The following GALNT13 variants were observed in gnomAD, a reference collection of about 807,000 sequenced individuals.
GALNT13 encodes the protein UDP-GalNAc:polypeptide N-acetylgalactosaminyltransferase 13.
Under a neutral mutation model 64.2 loss-of-function variants are expected in GALNT13, and 28 were observed. The ratio of observed to expected loss-of-function variants is 0.44; its 90% CI spans 0.32 to 0.60. The LOEUF (loss-of-function observed/expected upper bound fraction) is 0.60. Among genes scored for constraint, GALNT13 ranks in the 20% least tolerant of loss-of-function variants. GALNT13 has a pLI of 0.05. For missense variants in GALNT13, 577 were observed against 669.8 expected (o/e 0.86, Z 1.53); for synonymous variants, 214 against 224.6 (o/e 0.95, Z 0.42).
intron 3 of GALNT13, among the ~76,000 whole-genome samples, chr2:153,954,960 G>C (rs1692457472): frequency 6.6e-6 from 1 of 151,680 alleles, no homozygotes; most frequent in African/African-American, 2.4e-5. Context: ...TATTTCTGGA[G>C]GATGTAGAAA....
chr2:153,737,568 A>C, the GALNT13 span, among the ~76,000 whole-genome samples: 55 of 152,014 alleles, frequency 3.6e-4, no homozygotes, highest in African/African-American at 1.2e-3. Context: ...ATGTTTATCT[A>C]CCCTATTTTT....
At chr2:154,383,348 ACTG>A (rs1229980238) in intron 9 of GALNT13, among the ~76,000 whole-genome samples, 2 of 151,938 alleles carry the variant, frequency 1.3e-5, no homozygotes, top group African/African-American at 4.8e-5. Flanking sequence ...TATTATTAGC[ACTG>A]CTGTATAAAT....
At chr2:153,607,796 G>A in the GALNT13 span, among the ~76,000 whole-genome samples, 1 of 151,928 alleles carries the variant, frequency 6.6e-6, no homozygotes, top group Admixed American at 6.6e-5. Flanking sequence ...ACCCTTAAGA[G>A]AGTCTTCCAG....
intron 12 of GALNT13, among the ~76,000 whole-genome samples, chr2:154,445,250 A>C (rs574448768): frequency 6.6e-6 from 1 of 152,020 alleles, no homozygotes; most frequent in African/African-American, 2.4e-5. Flanking sequence ...CATATGTTAC[A>C]GTCATTTTTT....
rs75918825 is a variant in GALNT13, at chr2:154,093,975, A to G, written c.143-46362A>G. ...TGTCATACAGGTAAGATCTTTTGGT[A>G]TGATGGTTTTGGTGCATATTTCCTA... On this transcript the variant is annotated intron_variant, in intron 3 of 12. Transcript: ENST00000392825. Among the ~76,000 whole-genome samples the G allele has an allele frequency of 6.1e-3, 932 of 151,882 alleles. 13 individuals are homozygous for G. The highest frequency in any genetic ancestry group is 0.021 in the African/African-American group (876 of 41,488).
At chr2:154,324,660 G>A (rs1453835067) in intron 9 of GALNT13, among the ~76,000 whole-genome samples, 1 of 152,070 alleles carries the variant, frequency 6.6e-6, no homozygotes, top group Non-Finnish European at 1.5e-5. Flanking sequence ...GTAGGTTGCA[G>A]AGAAAATAGG....
the GALNT13 span, among the ~76,000 whole-genome samples, chr2:153,556,809 C>A: frequency 1.3e-5 from 2 of 152,210 alleles, no homozygotes; most frequent in Non-Finnish European, 2.9e-5. Flanking sequence ...CTGTTCTCTG[C>A]TGGATTCAAC....
chr2:154,157,799 A>G (rs376642970), intron 4 of GALNT13, among the ~76,000 whole-genome samples: 1 of 152,186 alleles, frequency 6.6e-6, no homozygotes, highest in Admixed American at 6.6e-5. Flanking sequence ...TATATTTAAC[A>G]GTCAATTTTC....
intron 12 of GALNT13, among the ~76,000 whole-genome samples, chr2:154,444,379 A>G (rs1187806955): frequency 1.3e-5 from 2 of 152,156 alleles, no homozygotes; most frequent in East Asian, 3.8e-4. Flanking sequence ...AAGTTTTTAA[A>G]AAACATAAAT....
At chr2:153,165,444 T>C in the GALNT13 span, among the ~76,000 whole-genome samples, 3 of 152,254 alleles carry the variant, frequency 2.0e-5, no homozygotes, top group Non-Finnish European at 4.4e-5. Context: ...AACAGCCAGA[T>C]TTATTTTTGT....
At chr2:154,168,448 A>G (rs1170573882) in intron 4 of GALNT13, among the ~76,000 whole-genome samples, 1 of 152,146 alleles carries the variant, frequency 6.6e-6, no homozygotes, top group Admixed American at 6.5e-5. Context: ...TCTAAAAAAT[A>G]CCACTATAGA....
At chr2:154,242,385 G>A (rs774697221) in intron 5 of GALNT13, among the ~76,000 whole-genome samples, 189 bp downstream of exon 5, 4 of 152,056 alleles carry the variant, frequency 2.6e-5, no homozygotes, top group Non-Finnish European at 5.9e-5. Flanking sequence ...AACTCTAGAA[G>A]CAAATAACTA....
At chr2:153,291,331 G>A in the GALNT13 span, among the ~76,000 whole-genome samples, 4 of 152,096 alleles carry the variant, frequency 2.6e-5, no homozygotes, top group African/African-American at 4.8e-5. Context: ...ATAATATGCT[G>A]CATCTTGAAT....
chr2:153,963,930 T>C (rs1693137840), intron 3 of GALNT13, among the ~76,000 whole-genome samples: 1 of 152,176 alleles, frequency 6.6e-6, no homozygotes, highest in African/African-American at 2.4e-5. Context: ...CGTATTTTTT[T>C]ATGCTTCTTT....
the GALNT13 span, among the ~76,000 whole-genome samples, chr2:153,211,805 A>G: frequency 1.6e-4 from 24 of 152,182 alleles, no homozygotes; most frequent in Admixed American, 3.9e-4. Flanking sequence ...GTATGAGGTG[A>G]TTGGAAACAC....
chr2:154,190,258 G>A (rs1196110867), intron 4 of GALNT13, among the ~76,000 whole-genome samples: 2 of 152,150 alleles, frequency 1.3e-5, no homozygotes, highest in East Asian at 3.9e-4. Flanking sequence ...TGTCTACTGT[G>A]ATTACAGCTG....
At chr2:154,416,695 A>G (rs1232359678) in intron 11 of GALNT13, among the ~76,000 whole-genome samples, 1 of 152,174 alleles carries the variant, frequency 6.6e-6, no homozygotes, top group Non-Finnish European at 1.5e-5. Context: ...TCTTCAAACA[A>G]TGAAGTTTGA....
intron 2 of GALNT13, among the ~76,000 whole-genome samples, chr2:153,918,799 C>A (rs577595033): frequency 2.2e-4 from 34 of 152,168 alleles, no homozygotes; most frequent in Admixed American, 8.5e-4. Context: ...ACCAAAAATG[C>A]ATTTGTGCAT....
chr2:154,299,175 C>T (rs984599302), intron 8 of GALNT13, among the ~76,000 whole-genome samples: 1 of 149,430 alleles, frequency 6.7e-6, no homozygotes, highest in African/African-American at 2.5e-5. Flanking sequence ...GAAAGATAGA[C>T]GACTTTAGAA....
Sources: gnomAD v4.1 joint callset for allele counts (sites outside exome capture counted in the v4.1 genomes callset) on GRCh38, gnomAD v4.1.1 for gene constraint, MANE v1.5 for transcripts, NCBI Gene and HGNC (gene_info 2026-07-23, HGNC 2026-07-21) for gene names.